Variants in RIMS2 observed in about 807,000 individuals in gnomAD.
The protein encoded by RIMS2 is regulating synaptic membrane exocytosis protein 2.
A neutral mutation model predicts 174.4 loss-of-function variants in RIMS2; 59 were observed. The ratio of observed to expected loss-of-function variants is 0.34; its 90% CI spans 0.27 to 0.42. The LOEUF (loss-of-function observed/expected upper bound fraction) is 0.42, where lower values mean the gene tolerates loss of function less well. Ranked by LOEUF, RIMS2 falls within the 10% of genes least tolerant of loss-of-function variation. The pLI is 1.00. For synonymous variants in RIMS2, 606 were observed against 572.5 expected, an observed-to-expected ratio of 1.06 and a Z score of -0.84; for missense variants, 1,620 against 1,666.3, an observed-to-expected ratio of 0.97 and a Z score of 0.48.
At position 103,927,941 on chromosome 8, in the gene RIMS2, G is replaced by T. The variant is rs563647857; in HGVS notation, c.2244+52G>T. On this transcript the variant is annotated intron_variant, in intron 11 of 23. Transcript: ENST00000504942. Reference sequence around the variant, plus strand: ...ACTAAAGTTGTGTTTAACCCTATTTGTATGTTTTTGGAAAATGCGTTAGTA... The same window carrying T: ...ACTAAAGTTGTGTTTAACCCTATTTTTATGTTTTTGGAAAATGCGTTAGTA... 3 of 1,499,258 alleles carry T rather than the reference G, an allele frequency of 2.0e-6. No individual in the cohort carries two copies. The East Asian group carries it at 7.0e-5, about 35-fold the overall frequency. The allele number at this position is 1,499,258 out of a possible 1,614,324, so 92.9% of individuals were successfully genotyped here.
chr8:103,812,673 T>C (rs1307528521), intron 3 of RIMS2, among the ~76,000 whole-genome samples: 1 of 152,182 alleles, frequency 6.6e-6, no homozygotes, highest in African/African-American at 2.4e-5. Flanking sequence ...TTAGCCACCA[T>C]GCCAGGCCCA....
exon 22 of RIMS2, chr8:104,249,541 T>C: frequency 1.2e-6 from 2 of 1,612,902 alleles, no homozygotes; most frequent in Non-Finnish European, 1.7e-6. Flanking sequence ...GTAGAAATCA[T>C]CCGGGCCCGT....
At chr8:103,559,382 G>T (rs2091209327) in intron 1 of RIMS2, 1 of 329,856 alleles carries the variant, frequency 3.0e-6, no homozygotes. Flanking sequence ...GGTGTCCACG[G>T]CTGCTTCACG....
At chr8:104,036,751 C>T (rs1369565310) in intron 19 of RIMS2, among the ~76,000 whole-genome samples, 1 of 151,768 alleles carries the variant, frequency 6.6e-6, no homozygotes, top group African/African-American at 2.4e-5. Flanking sequence ...GTGGCGTGCA[C>T]CTGTAATCCC....
intron 1 of RIMS2, chr8:103,559,403 C>A: frequency 2.8e-6 from 1 of 353,742 alleles, no homozygotes; most frequent in South Asian, 2.3e-5. Flanking sequence ...GTGGAGCATG[C>A]CAGTGATCCG....
intron 3 of RIMS2, chr8:103,880,661 C>A (rs997756977): frequency 5.6e-6 from 3 of 537,744 alleles, no homozygotes; most frequent in Non-Finnish European, 1.0e-5. Flanking sequence ...ATGCTTCATG[C>A]TCGACAGATG....
At chr8:103,990,464 C>T (rs2094609351) in intron 17 of RIMS2, among the ~76,000 whole-genome samples, 1 of 151,924 alleles carries the variant, frequency 6.6e-6, no homozygotes, top group Non-Finnish European at 1.5e-5. Context: ...TAAATGAAAG[C>T]TAATGTAGTA....
chr8:103,936,545 C>T lies in RIMS2; in HGVS notation c.2376-6C>T, dbSNP rs746362828. ...TAAGTTCATAATTCATTGTTTTTTT[C>T]CATAGTGATAAAAACAAGAGAAGAA... On this transcript the variant is annotated splice_polypyrimidine_tract_variant and splice_region_variant and intron_variant, in intron 12 of 23. Coordinates refer to ENST00000504942, the Ensembl canonical transcript of RIMS2. The T allele has an allele frequency of 2.0e-6, 3 of 1,524,868 alleles. No homozygotes were observed. Among genetic ancestry groups the T allele is most frequent in the Admixed American group, 2.1e-5 (1 of 47,080 alleles). The allele number at this position is 1,524,868 out of a possible 1,614,324, so 94.5% of individuals were successfully genotyped here.
rs1005139697 is a variant in RIMS2, at chr8:104,094,638, G to GA, written c.3334+80029dup. 12 of 701,492 alleles carry GA rather than the reference G, an allele frequency of 1.7e-5. No homozygotes were observed. The African/African-American group carries it at 1.9e-4, about 11-fold the overall frequency. 43.5% of individuals were successfully genotyped at this position (701,492 alleles called of 1,614,324 possible). The stretch of plus-strand genomic sequence containing the variant: ...GAAAAACAGAGAATCAGGAGACGAG[G>GA]AAAAAACACAAGATATACACGAGCA... On this transcript the variant is annotated intron_variant, in intron 19 of 23. Coordinates refer to ENST00000504942, the Ensembl canonical transcript of RIMS2.
chr8:103,851,596 A>G (rs1350471283), intron 3 of RIMS2, among the ~76,000 whole-genome samples: 1 of 151,084 alleles, frequency 6.6e-6, no homozygotes, highest in Admixed American at 6.6e-5. Flanking sequence ...GCTGCAGACC[A>G]ATTGTGTATG....
intron 16 of RIMS2, among the ~76,000 whole-genome samples, chr8:103,987,307 T>TA (rs1009578007): frequency 6.6e-6 from 1 of 152,152 alleles, no homozygotes; most frequent in African/African-American, 2.4e-5. Context: ...CAAACGTATG[T>TA]AAAAAATCTT....
At chr8:103,773,451 C>T (rs542979876) in intron 3 of RIMS2, among the ~76,000 whole-genome samples, 6 of 152,236 alleles carry the variant, frequency 3.9e-5, no homozygotes, top group South Asian at 4.1e-4. Context: ...TATCAAGTGC[C>T]GGGCACGGTG....
intron 3 of RIMS2, among the ~76,000 whole-genome samples, chr8:103,802,967 A>C (rs1028046591): frequency 6.6e-6 from 1 of 152,194 alleles, no homozygotes; most frequent in African/African-American, 2.4e-5. Flanking sequence ...TAATAACATG[A>C]ATTCAGCATC....
At chr8:104,166,968 T>A (rs990119301) in intron 19 of RIMS2, among the ~76,000 whole-genome samples, 1 of 152,196 alleles carries the variant, frequency 6.6e-6, no homozygotes, top group Non-Finnish European at 1.5e-5. Flanking sequence ...CATTCCGTTT[T>A]ATGGCTGAGC....
intron 3 of RIMS2, among the ~76,000 whole-genome samples, chr8:103,860,997 T>TTAGA (rs1241707156): frequency 6.6e-6 from 1 of 152,036 alleles, no homozygotes; most frequent in Admixed American, 6.6e-5. Flanking sequence ...TTATTTTATT[T>TTAGA]TAGATTCAGG....
At chr8:103,812,695 T>C (rs2098696516) in intron 3 of RIMS2, among the ~76,000 whole-genome samples, 1 of 152,186 alleles carries the variant, frequency 6.6e-6, no homozygotes, top group Non-Finnish European at 1.5e-5. Context: ...ATTACCTTTT[T>C]TGAATGCCTT....
chr8:104,174,217 G>T (rs2098853839), intron 19 of RIMS2, among the ~76,000 whole-genome samples: 1 of 152,112 alleles, frequency 6.6e-6, no homozygotes, highest in African/African-American at 2.4e-5. Flanking sequence ...AAAGTGCAGG[G>T]ATTACAGGCG....
intron 3 of RIMS2, among the ~76,000 whole-genome samples, chr8:103,876,928 A>C (rs2099143946): frequency 1.5e-5 from 2 of 129,924 alleles, no homozygotes; most frequent in Non-Finnish European, 3.4e-5. Context: ...ACCCCCATAT[A>C]CATAACACAG....
At chr8:103,864,216 C>T (rs1226960547) in intron 3 of RIMS2, among the ~76,000 whole-genome samples, 1 of 151,350 alleles carries the variant, frequency 6.6e-6, no homozygotes, top group Non-Finnish European at 1.5e-5. Context: ...CTTCTGCTAC[C>T]TTTGGATTTG....
Sources: gnomAD v4.1 joint callset for allele counts (sites outside exome capture counted in the v4.1 genomes callset) on GRCh38, gnomAD v4.1.1 for gene constraint, MANE v1.5 for transcripts, NCBI Gene and HGNC (gene_info 2026-07-23, HGNC 2026-07-21) for gene names.